Variants in MALRD1 observed in about 807,000 individuals in gnomAD.
MALRD1 encodes MAM and LDL receptor class A domain containing 1, also known as MAM and LDL-receptor class A domain-containing protein 1.
In MALRD1, 247 loss-of-function variants were observed where a neutral mutation model predicts 242.1. That is an observed-to-expected ratio of 1.02 (90% CI 0.92 to 1.13). MALRD1 has a LOEUF of 1.13. Among genes scored for constraint, MALRD1 ranks in the 50% most tolerant of loss-of-function variants. The probability of loss-of-function intolerance (pLI) is 0.00; values close to 1 mark genes in which losing one functional copy is unlikely to be tolerated. For synonymous variants in MALRD1, 995 were observed against 866.6 expected (o/e 1.15, Z -2.60); for missense variants, 2,989 against 2,533.1 (o/e 1.18, Z -3.86).
At chr10:19,166,406 G>A (rs768890491) in intron 13 of MALRD1, among the ~76,000 whole-genome samples, 30 of 152,162 alleles carry the variant, frequency 2.0e-4, no homozygotes, top group Non-Finnish European at 5.9e-5. Context: ...GGAGAATGGT[G>A]GTTACTAGAG....
chr10:19,518,662 A>C, intron 31 of MALRD1, among the ~76,000 whole-genome samples: 1 of 150,132 alleles, frequency 6.7e-6, no homozygotes, highest in East Asian at 2.0e-4. Flanking sequence ...AATGGTGTGA[A>C]CATTTTTTTT....
At chr10:19,252,697 T>C (rs1412269126) in intron 18 of MALRD1, among the ~76,000 whole-genome samples, 3 of 152,050 alleles carry the variant, frequency 2.0e-5, no homozygotes, top group Admixed American at 6.6e-5. Flanking sequence ...CTCACACAGT[T>C]TTAATATGGC....
At chr10:19,308,158 A>C (rs1229626555) in intron 21 of MALRD1, among the ~76,000 whole-genome samples, 1 of 151,418 alleles carries the variant, frequency 6.6e-6, no homozygotes, top group African/African-American at 2.4e-5. Context: ...CTCATTAACT[A>C]TCCCTACATT....
Position 19,200,792 on chromosome 10 carries a change from GTGA to G in MALRD1, c.1952-2931_1952-2929del, listed in dbSNP as rs1320916091. 7.2e-5 allele frequency among the ~76,000 whole-genome samples: 11 copies of G among 151,728 alleles called. No individual in the cohort carries two copies. In the East Asian group the frequency reaches 2.1e-3, roughly 29 times the overall value. On this transcript the variant is annotated intron_variant, in intron 14 of 39. Coordinates refer to ENST00000454679, the MANE Select transcript of MALRD1 (RefSeq NM_001142308.3). ...CGCCTTTTCTCCAGGGGCAACTGCT[GTGA>G]TGATATTTACATAATTAATAGAAGC...
chr10:19,386,668 G>A (rs1029603884), intron 26 of MALRD1, among the ~76,000 whole-genome samples: 2 of 151,718 alleles, frequency 1.3e-5, no homozygotes, highest in Non-Finnish European at 1.5e-5. Flanking sequence ...ACCAGGCACT[G>A]TTGTAGGCAC....
intron 4 of MALRD1, among the ~76,000 whole-genome samples, chr10:19,096,123 A>G (rs1049612246): frequency 2.6e-5 from 4 of 152,186 alleles, no homozygotes; most frequent in Non-Finnish European, 5.9e-5. Flanking sequence ...ATAAGATATT[A>G]GAGTGTTGAG....
intron 28 of MALRD1, among the ~76,000 whole-genome samples, chr10:19,396,040 C>T (rs1380818978): frequency 2.0e-5 from 3 of 152,002 alleles, no homozygotes; most frequent in Non-Finnish European, 4.4e-5. Context: ...TTATTGTTGC[C>T]ATTCTATTTC....
At chr10:19,157,292 A>T (rs756931068) in intron 12 of MALRD1, among the ~76,000 whole-genome samples, 24 of 135,374 alleles carry the variant, frequency 1.8e-4, no homozygotes, top group Non-Finnish European at 3.4e-4. Context: ...TTTTTTCCTG[A>T]GACAGAATCT....
intron 11 of MALRD1, among the ~76,000 whole-genome samples, chr10:19,154,543 A>G (rs1834062236): frequency 6.6e-6 from 1 of 152,184 alleles, no homozygotes; most frequent in African/African-American, 2.4e-5. Flanking sequence ...ATTTGCCATG[A>G]GCACATCCGT....
intron 26 of MALRD1, among the ~76,000 whole-genome samples, chr10:19,365,727 C>T (rs543513836): frequency 1.1e-4 from 16 of 148,346 alleles, no homozygotes; most frequent in African/African-American, 3.5e-4. Flanking sequence ...TTCTCTCATT[C>T]GAATCTCTGT....
At chr10:19,058,994 T>C (rs1303589031) in intron 1 of MALRD1, among the ~76,000 whole-genome samples, 1 of 152,202 alleles carries the variant, frequency 6.6e-6, no homozygotes. Context: ...CTGGTAATTT[T>C]ACTTTTAGAA....
At chr10:19,669,870 A>G (rs986953594) in intron 36 of MALRD1, among the ~76,000 whole-genome samples, 1 of 152,032 alleles carries the variant, frequency 6.6e-6, no homozygotes, top group East Asian at 1.9e-4. Context: ...AATACAGAAA[A>G]ATTTTTGGTT....
At chr10:19,123,404 T>C (rs1837138630) in intron 5 of MALRD1, 88 bp from the exon 6 acceptor site, 2 of 669,136 alleles carry the variant, frequency 3.0e-6, no homozygotes, top group Non-Finnish European at 4.2e-6. Context: ...GAGTGCTTTG[T>C]AGAATGAATA....
chr10:19,685,469 C>A (rs115084600), intron 36 of MALRD1, among the ~76,000 whole-genome samples: 3,231 of 152,106 alleles, frequency 0.021, 79 homozygotes, highest in East Asian at 0.094. Context: ...GAAGTAGAAG[C>A]ATTAAAGTTT....
At chr10:19,530,127 A>T (rs991283877) in intron 31 of MALRD1, among the ~76,000 whole-genome samples, 3 of 151,416 alleles carry the variant, frequency 2.0e-5, no homozygotes, top group Admixed American at 6.6e-5. Flanking sequence ...ATATTGGCTC[A>T]TTAATTGTAA....
chr10:19,542,057 A>G (rs953999677), intron 32 of MALRD1, among the ~76,000 whole-genome samples: 4 of 152,214 alleles, frequency 2.6e-5, no homozygotes, highest in African/African-American at 2.4e-5. Flanking sequence ...TAGAAAAATA[A>G]AAGTAAACTC....
At chr10:19,684,897 AAATT>A (rs1842515693) in intron 36 of MALRD1, among the ~76,000 whole-genome samples, 1 of 152,202 alleles carries the variant, frequency 6.6e-6, no homozygotes, top group Non-Finnish European at 1.5e-5. Flanking sequence ...TAAAACTACA[AAATT>A]AGAGACTGAG....
intron 38 of MALRD1, among the ~76,000 whole-genome samples, chr10:19,729,695 C>T (rs115127693): frequency 0.013 from 1,658 of 125,554 alleles, 27 homozygotes; most frequent in East Asian, 0.055. Flanking sequence ...TCCAGGGCTG[C>T]GTGTCTTCTA....
intron 2 of MALRD1, among the ~76,000 whole-genome samples, chr10:19,084,493 A>G (rs1052304428): frequency 1.3e-5 from 2 of 151,796 alleles, no homozygotes; most frequent in Non-Finnish European, 2.9e-5. Flanking sequence ...CTTTGAGCCA[A>G]TTGGTTACTC....
Sources: gnomAD v4.1 joint callset for allele counts (sites outside exome capture counted in the v4.1 genomes callset) on GRCh38, gnomAD v4.1.1 for gene constraint, MANE v1.5 for transcripts, NCBI Gene and HGNC (gene_info 2026-07-23, HGNC 2026-07-21) for gene names.